CRTC1: variants seen among roughly 807,000 people sequenced by gnomAD.
CRTC1 encodes the protein CREB regulated transcription coactivator 1.
In CRTC1, 18 loss-of-function variants were observed where a neutral mutation model predicts 66.1. The ratio of observed to expected loss-of-function variants is 0.27; its 90% CI spans 0.19 to 0.40. The LOEUF is 0.40. Ranked by LOEUF, CRTC1 falls within the 10% of genes least tolerant of loss-of-function variation. The pLI is 1.00. For missense variants in CRTC1, 669 were observed against 887.9 expected, an observed-to-expected ratio of 0.75 and a Z score of 3.13; for synonymous variants, 416 against 398.8, an observed-to-expected ratio of 1.04 and a Z score of -0.51.
At position 18,693,499 on chromosome 19, in the gene CRTC1, T is replaced by G. The variant is rs75931070; in HGVS notation, c.126+9671T>G. ...CTTTTGTTTTTGTTTTTTTTTTTTT[T>G]GAAACAGAGTTTCTCTCTGTCGCCC... On this transcript the variant is annotated intron_variant, in intron 1 of 13. Transcript: ENST00000321949. 2.6e-3 allele frequency among the ~76,000 whole-genome samples: 392 copies of G among 150,552 alleles called. 4 individuals are homozygous for G. The highest frequency in any genetic ancestry group is 9.3e-3 in the African/African-American group (378 of 40,664).
intron 1 of CRTC1, among the ~76,000 whole-genome samples, chr19:18,709,599 A>T (rs1161733359): frequency 3.9e-5 from 6 of 152,062 alleles, no homozygotes; most frequent in Non-Finnish European, 8.8e-5. Flanking sequence ...CATGGATGGG[A>T]GTTGGGATGA....
chr19:18,763,343 C>T (rs1277164784), intron 8 of CRTC1, among the ~76,000 whole-genome samples: 4 of 152,160 alleles, frequency 2.6e-5, no homozygotes, highest in Non-Finnish European at 4.4e-5. Flanking sequence ...TCAGGTGATC[C>T]GCCTGCCTCA....
chr19:18,776,574 TGAC>T (rs924503890), intron 13 of CRTC1, among the ~76,000 whole-genome samples: 3 of 152,086 alleles, frequency 2.0e-5, no homozygotes, highest in African/African-American at 7.2e-5. Flanking sequence ...AGGCAGCAGT[TGAC>T]GAGAAATTCA....
At chr19:18,696,081 C>G (rs1328537590) in intron 1 of CRTC1, among the ~76,000 whole-genome samples, 1 of 152,116 alleles carries the variant, frequency 6.6e-6, no homozygotes, top group Admixed American at 6.6e-5. Flanking sequence ...CTGCTCTGGG[C>G]AGCTGGTGGC....
At chr19:18,731,062 C>CTCCA (rs2053878046) in intron 1 of CRTC1, among the ~76,000 whole-genome samples, 1 of 152,194 alleles carries the variant, frequency 6.6e-6, no homozygotes, top group Admixed American at 6.5e-5. Flanking sequence ...TCACAGCACC[C>CTCCA]TCCACCTCCT....
chr19:18,776,116 G>A (rs2054984627), intron 13 of CRTC1, among the ~76,000 whole-genome samples: 1 of 152,242 alleles, frequency 6.6e-6, no homozygotes, highest in Non-Finnish European at 1.5e-5. Context: ...CCGGGTAAAG[G>A]TGAAGCAGCC....
At chr19:18,755,826 C>T (rs189867623) in intron 6 of CRTC1, among the ~76,000 whole-genome samples, 12 of 151,440 alleles carry the variant, frequency 7.9e-5, no homozygotes, top group Admixed American at 1.3e-4. Context: ...TGGTCTCGAA[C>T]TCCTGGGCTC....
chr19:18,706,662 A>G (rs2053273719), intron 1 of CRTC1, among the ~76,000 whole-genome samples: 1 of 151,916 alleles, frequency 6.6e-6, no homozygotes, highest in Middle Eastern at 3.2e-3. Context: ...GAGATTCTGT[A>G]TGGATTTTAG....
At chr19:18,773,063 A>G (rs1038300808) in intron 11 of CRTC1, among the ~76,000 whole-genome samples, 5 of 152,172 alleles carry the variant, frequency 3.3e-5, no homozygotes, top group Non-Finnish European at 7.4e-5. Context: ...AAAGCGGGTT[A>G]GTCTGCTGGG....
In CRTC1 at chr19:18,779,050, C is replaced by T. The variant is rs565842437; in HGVS notation, c.*1668C>T. The T allele has an allele frequency of 1.7e-5, 4 of 232,662 alleles. No homozygotes were observed. In the Admixed American group the frequency reaches 2.3e-4, roughly 13 times the overall value. The allele number at this position is 232,662 out of a possible 1,614,324, so 14.4% of individuals were successfully genotyped here. A position where few individuals can be genotyped will look rare whatever the true frequency, so the allele number is the denominator to read the frequency against. ...CATACCACGGGCCCTGCAAGGGAGGCATCAGGGCTGGCTTTGTTTTCTGCT... is the reference window on the plus strand; with the variant it reads ...CATACCACGGGCCCTGCAAGGGAGGTATCAGGGCTGGCTTTGTTTTCTGCT... On this transcript the variant is annotated 3_prime_UTR_variant, in exon 14 of 14. Coordinates refer to ENST00000321949, the MANE Select transcript of CRTC1 (RefSeq NM_015321.3).
intron 1 of CRTC1, among the ~76,000 whole-genome samples, chr19:18,721,208 T>TG: frequency 6.6e-6 from 1 of 151,932 alleles, no homozygotes; most frequent in Admixed American, 6.6e-5. Flanking sequence ...TTTTTTTTTT[T>TG]TTTGAGACGG....
At chr19:18,725,519 G>A (rs992809853) in intron 1 of CRTC1, among the ~76,000 whole-genome samples, 15 of 103,442 alleles carry the variant, frequency 1.5e-4, no homozygotes, top group Non-Finnish European at 1.7e-4. Context: ...CCCCACACAC[G>A]GGCCCCTGGG....
At chr19:18,739,570 G>A (rs994857620) in intron 1 of CRTC1, among the ~76,000 whole-genome samples, 5 of 152,298 alleles carry the variant, frequency 3.3e-5, no homozygotes, top group East Asian at 3.9e-4. Context: ...GCTGAGCAGC[G>A]GGTCCTGGGC....
intron 1 of CRTC1, among the ~76,000 whole-genome samples, chr19:18,740,420 G>A (rs927454257): frequency 1.3e-5 from 2 of 152,154 alleles, no homozygotes; most frequent in Admixed American, 6.5e-5. Context: ...GTCTGTACTG[G>A]GGGCTGGTCC....
At chr19:18,776,254 G>A (rs1033342782) in intron 13 of CRTC1, among the ~76,000 whole-genome samples, 2 of 152,338 alleles carry the variant, frequency 1.3e-5, no homozygotes, top group Non-Finnish European at 1.5e-5. Flanking sequence ...GGTCAGGGCC[G>A]TGATGCACCG....
intron 4 of CRTC1, 124 bp from the exon 5 acceptor site, chr19:18,749,657 A>G: frequency 2.6e-6 from 2 of 756,916 alleles, no homozygotes; most frequent in East Asian, 2.6e-5. Flanking sequence ...GCTCAGGTGC[A>G]GCAGCTCACA....
intron 1 of CRTC1, among the ~76,000 whole-genome samples, chr19:18,734,097 C>T (rs1432131710): frequency 2.0e-5 from 3 of 149,846 alleles, no homozygotes; most frequent in East Asian, 2.0e-4. Context: ...AGTGAGACTC[C>T]GTCTCAAAAA....
At chr19:18,748,720 C>T (rs1476407706) in intron 4 of CRTC1, among the ~76,000 whole-genome samples, 1 of 149,662 alleles carries the variant, frequency 6.7e-6, no homozygotes, top group Non-Finnish European at 1.5e-5. Context: ...AAAGAAAAAC[C>T]ATATACATAC....
intron 1 of CRTC1, among the ~76,000 whole-genome samples, chr19:18,735,269 C>G (rs2053972596): frequency 6.6e-6 from 1 of 152,200 alleles, no homozygotes; most frequent in Admixed American, 6.5e-5. Context: ...GCTCTTGTCC[C>G]TGTCTCCCTT....
Sources: allele counts gnomAD v4.1 joint callset (sites outside exome capture counted in the v4.1 genomes callset), GRCh38; gene constraint gnomAD v4.1.1; transcripts MANE v1.5; gene names NCBI Gene and HGNC (gene_info 2026-07-23, HGNC 2026-07-21).